Variants in WNT9A observed in about 807,000 individuals in gnomAD.
WNT9A encodes protein Wnt-9a.
WNT9A carries 8 observed loss-of-function variants against 31.4 expected under a neutral mutation model. The observed-to-expected ratio is 0.26, with a 90% confidence interval of 0.15 to 0.46. The LOEUF is 0.46. Ranked by LOEUF, WNT9A falls within the 20% of genes least tolerant of loss-of-function variation. The pLI is 0.99. For missense variants in WNT9A, 457 were observed against 522.9 expected, an observed-to-expected ratio of 0.87 and a Z score of 1.23; for synonymous variants, 236 against 220.1, an observed-to-expected ratio of 1.07 and a Z score of -0.64.
intron 1 of WNT9A, among the ~76,000 whole-genome samples, chr1:227,945,202 G>A (rs1299714667): frequency 6.6e-6 from 1 of 152,260 alleles, no homozygotes; most frequent in East Asian, 1.9e-4. Flanking sequence ...ATAACCTTGG[G>A]GAGAGGGTCT....
intron 3 of WNT9A, among the ~76,000 whole-genome samples, 175 bp downstream of exon 3, chr1:227,923,963 G>C (rs1666369529): frequency 6.6e-6 from 1 of 152,110 alleles, no homozygotes; most frequent in Non-Finnish European, 1.5e-5. Context: ...ATGGGCACGA[G>C]AGGCTCCAGG....
chr1:227,944,710 C>G (rs1666768042), intron 1 of WNT9A, among the ~76,000 whole-genome samples: 1 of 152,234 alleles, frequency 6.6e-6, no homozygotes, highest in Non-Finnish European at 1.5e-5. Context: ...TATGCCTCTT[C>G]CAGGCAGGCC....
At chr1:227,946,740 C>T (rs762396457) in intron 1 of WNT9A, among the ~76,000 whole-genome samples, 2 of 152,244 alleles carry the variant, frequency 1.3e-5, no homozygotes, top group Admixed American at 6.5e-5. Flanking sequence ...GCGGCCTCTC[C>T]CTGCCCGGGC....
Position 227,920,143 on chromosome 1 carries a change from T to C in WNT9A, c.*1375A>G, listed in dbSNP as rs1404828909. On this transcript the variant is annotated 3_prime_UTR_variant, in exon 4 of 4. Transcript: ENST00000272164. ...CACTGAGCTGCCTGGAGGCCGGGCG[T>C]CTGCCCACAGGGTGCAGGGCAGGGG... is the stretch of plus-strand genomic sequence containing the variant. 6.6e-6 allele frequency: 1 copy of C among 152,232 alleles called. No homozygotes were observed. Among genetic ancestry groups the C allele is most frequent in the Non-Finnish European group, 1.5e-5 (1 of 68,076 alleles). The allele number at this position is 152,232 out of a possible 1,614,324, so 9.4% of individuals were successfully genotyped here. A position where few individuals can be genotyped will look rare whatever the true frequency, so the allele number is the denominator to read the frequency against.
At chr1:227,924,660 C>T (rs1253579055) in intron 2 of WNT9A, among the ~76,000 whole-genome samples, 1 of 152,170 alleles carries the variant, frequency 6.6e-6, no homozygotes, top group Non-Finnish European at 1.5e-5. Flanking sequence ...GGTCACAGTC[C>T]CCATCAGGGT....
chr1:227,923,188 G>A lies in WNT9A; in HGVS notation c.615+950C>T, dbSNP rs73106885. Among the ~76,000 whole-genome samples the A allele has an allele frequency of 4.7e-3, 709 of 152,204 alleles. 3 individuals are homozygous for A. Among genetic ancestry groups the A allele is most frequent in the African/African-American group, 0.016 (664 of 41,532 alleles). ...TTGATCCTTTAGTAAGTTGGTGATT[G>A]GGTACTCTGACTTCTCAATCAAGTG... On this transcript the variant is annotated intron_variant, in intron 3 of 3. Transcript: ENST00000272164.
At chr1:227,931,767 T>C (rs1210801765) in intron 1 of WNT9A, among the ~76,000 whole-genome samples, 1 of 152,240 alleles carries the variant, frequency 6.6e-6, no homozygotes, top group Non-Finnish European at 1.5e-5. Flanking sequence ...AACAATCATC[T>C]CAGCTTCACT....
intron 1 of WNT9A, among the ~76,000 whole-genome samples, chr1:227,932,708 A>C (rs1666533490): frequency 6.6e-6 from 1 of 152,258 alleles, no homozygotes; most frequent in African/African-American, 2.4e-5. Context: ...ACATTGTGTT[A>C]GCAGGCATGG....
chr1:227,939,919 C>T (rs1179686639), intron 1 of WNT9A, among the ~76,000 whole-genome samples: 2 of 152,254 alleles, frequency 1.3e-5, no homozygotes, highest in African/African-American at 4.8e-5. Flanking sequence ...AGCCCAAGCA[C>T]GTCTGCTGTG....
chr1:227,921,375 G>C lies in WNT9A; in HGVS notation c.*143C>G, dbSNP rs1558257466. 26 of 1,339,174 alleles carry C rather than the reference G, an allele frequency of 1.9e-5. No individual in the cohort carries two copies. Among genetic ancestry groups the C allele is most frequent in the Non-Finnish European group, 2.3e-5 (23 of 987,846 alleles). The allele number at this position is 1,339,174 out of a possible 1,614,324, so 83.0% of individuals were successfully genotyped here. On this transcript the variant is annotated 3_prime_UTR_variant, in exon 4 of 4. Coordinates refer to ENST00000272164, the MANE Select transcript of WNT9A (RefSeq NM_003395.4). The stretch of plus-strand genomic sequence containing the variant: ...CAGGGACTCAGCCCATGCAGGTGTA[G>C]ACCCATTCACACTGTGTGCAATGCC...
Position 227,919,151 on chromosome 1 carries a change from T to C in WNT9A, c.*2367A>G, listed in dbSNP as rs146539330. Reference sequence around the variant, plus strand: ...TGGTATTTGATTAAAAATAAAAACCTTCCTCTGACTTGACGCCCTTCATAG... The same window carrying C: ...TGGTATTTGATTAAAAATAAAAACCCTCCTCTGACTTGACGCCCTTCATAG... On this transcript the variant is annotated 3_prime_UTR_variant, in exon 4 of 4. Coordinates refer to ENST00000272164, the MANE Select transcript of WNT9A (RefSeq NM_003395.4). 1.4e-4 allele frequency: 22 copies of C among 152,376 alleles called. No homozygotes were observed. Among genetic ancestry groups the C allele is most frequent in the African/African-American group, 5.0e-4 (21 of 41,594 alleles). 9.4% of individuals were successfully genotyped at this position (152,376 alleles called of 1,614,324 possible). A position where few individuals can be genotyped will look rare whatever the true frequency, so the allele number is the denominator to read the frequency against.
chr1:227,945,597 T>C (rs1459077031), intron 1 of WNT9A, among the ~76,000 whole-genome samples: 1 of 152,088 alleles, frequency 6.6e-6, no homozygotes, highest in African/African-American at 2.4e-5. Context: ...CAGGCAGAGC[T>C]TTTGAGAGGG....
rs71650368 is a variant in WNT9A, at chr1:227,927,471, G to T, written c.96-1952C>A. On this transcript the variant is annotated intron_variant, in intron 1 of 3. Coordinates refer to ENST00000272164, the MANE Select transcript of WNT9A (RefSeq NM_003395.4). The stretch of plus-strand genomic sequence containing the variant: ...GAGGGAAGGAAGGGCAGTGCAGGCA[G>T]GTCCCCTCAAATGCCCTGGGGGTCA... 5.9e-5 allele frequency among the ~76,000 whole-genome samples: 9 copies of T among 152,316 alleles called. 1 individual carries two copies. In the East Asian group the frequency reaches 1.5e-3, roughly 26 times the overall value.
intron 1 of WNT9A, among the ~76,000 whole-genome samples, chr1:227,938,518 T>G (rs763505409): frequency 2.0e-5 from 3 of 151,728 alleles, no homozygotes; most frequent in Non-Finnish European, 4.4e-5. Context: ...CATACACTCA[T>G]GTGTACACAC....
rs2102719741 is a variant in WNT9A at position 227,926,257 on chromosome 1, T to C, written c.96-738A>G. ...GCCTCTGAGCTGATGAACACCACCCTCCATCTTTACACGAGGCCTTGCACC... is the reference window on the plus strand; with the variant it reads ...GCCTCTGAGCTGATGAACACCACCCCCCATCTTTACACGAGGCCTTGCACC... On this transcript the variant is annotated intron_variant, in intron 1 of 3. Transcript: ENST00000272164. This position sits in a 1 kb window ranked among gnomAD's most constrained non-coding sequence, Gnocchi z 5.0. Among the ~76,000 whole-genome samples, 1 of 151,982 alleles carries C rather than the reference T, an allele frequency of 6.6e-6. No individual in the cohort carries two copies. The highest frequency in any genetic ancestry group is 2.4e-5 in the African/African-American group (1 of 41,430).
At chr1:227,936,284 G>A (rs1375692822) in intron 1 of WNT9A, among the ~76,000 whole-genome samples, 1 of 152,116 alleles carries the variant, frequency 6.6e-6, no homozygotes, top group Non-Finnish European at 1.5e-5. Flanking sequence ...CACCTCCTGG[G>A]TTCAAGCGAT....
intron 1 of WNT9A, among the ~76,000 whole-genome samples, chr1:227,944,187 G>A (rs1418477452): frequency 1.3e-5 from 2 of 152,148 alleles, no homozygotes; most frequent in Admixed American, 6.5e-5. Context: ...TCTTCCAGTC[G>A]AGTCTAACTC....
At chr1:227,936,643 T>TTC (rs1331528794) in intron 1 of WNT9A, among the ~76,000 whole-genome samples, 1 of 151,674 alleles carries the variant, frequency 6.6e-6, no homozygotes, top group African/African-American at 2.4e-5. Flanking sequence ...TCTTTTTTTT[T>TTC]TTGAGACATG....
chr1:227,929,739 C>A (rs542712379), intron 1 of WNT9A, among the ~76,000 whole-genome samples: 1 of 152,198 alleles, frequency 6.6e-6, no homozygotes, highest in South Asian at 2.1e-4. Flanking sequence ...GAGGCTGAGG[C>A]GGGGGAAACA....
Sources: allele counts gnomAD v4.1 joint callset (sites outside exome capture counted in the v4.1 genomes callset), GRCh38; gene constraint gnomAD v4.1.1; non-coding constraint Gnocchi (gnomAD v3.1); transcripts MANE v1.5; gene names NCBI Gene and HGNC (gene_info 2026-07-23, HGNC 2026-07-21).